The following TMEM132C variants were observed in gnomAD, a reference collection of about 807,000 sequenced individuals.
TMEM132C encodes protein phosphatase 1, regulatory subunit 152.
In TMEM132C, 29 loss-of-function variants were observed where a neutral mutation model predicts 61.4. The observed-to-expected ratio is 0.47, with a 90% CI of 0.35 to 0.64. TMEM132C has a LOEUF of 0.64. TMEM132C is among the 30% of genes least tolerant of loss of function. The pLI is 0.00. For synonymous variants in TMEM132C, 656 were observed against 633.1 expected (o/e 1.04, Z -0.54); for missense variants, 1,408 against 1,476.9 (o/e 0.95, Z 0.76).
intron 1 of TMEM132C, among the ~76,000 whole-genome samples, chr12:128,299,649 G>T (rs550004811): frequency 6.6e-6 from 1 of 152,216 alleles, no homozygotes; most frequent in African/African-American, 2.4e-5. Flanking sequence ...ATTGTTTTTC[G>T]TATAGAGAGA....
intron 1 of TMEM132C, among the ~76,000 whole-genome samples, chr12:128,338,075 T>G (rs1872837560): frequency 6.6e-6 from 1 of 150,484 alleles, no homozygotes; most frequent in African/African-American, 2.5e-5. Flanking sequence ...GAGGTAGCGT[T>G]TTACATCTGG....
intron 1 of TMEM132C, among the ~76,000 whole-genome samples, chr12:128,393,366 T>C (rs769750146): frequency 6.6e-6 from 1 of 152,132 alleles, no homozygotes; most frequent in Non-Finnish European, 1.5e-5. Flanking sequence ...TTTTACTCTA[T>C]AAAATAGACT....
At chr12:128,352,166 T>C (rs923579393) in intron 1 of TMEM132C, among the ~76,000 whole-genome samples, 1 of 152,170 alleles carries the variant, frequency 6.6e-6, no homozygotes, top group Admixed American at 6.5e-5. Flanking sequence ...AAGATATACC[T>C]GAGACTGGGT....
intron 1 of TMEM132C, among the ~76,000 whole-genome samples, chr12:128,396,397 G>A (rs941532973): frequency 3.3e-5 from 5 of 151,938 alleles, no homozygotes; most frequent in South Asian, 2.1e-4. Flanking sequence ...GGGGTGAGGG[G>A]CAGGGGAAGA....
At chr12:128,563,508 C>T (rs1429297529) in intron 3 of TMEM132C, among the ~76,000 whole-genome samples, 2 of 152,188 alleles carry the variant, frequency 1.3e-5, no homozygotes, top group Non-Finnish European at 2.9e-5. Context: ...CCAAGGACTC[C>T]TGTTTGCTCC....
At chr12:128,403,784 TGA>T (rs1461420327) in intron 1 of TMEM132C, among the ~76,000 whole-genome samples, 1 of 152,220 alleles carries the variant, frequency 6.6e-6, no homozygotes, top group Non-Finnish European at 1.5e-5. Context: ...TGTCACTCCA[TGA>T]ACTCCTAACC....
chr12:128,417,243 G>A (rs546927763), intron 2 of TMEM132C, among the ~76,000 whole-genome samples: 23 of 152,196 alleles, frequency 1.5e-4, no homozygotes, highest in Admixed American at 1.4e-3. Context: ...GAGACAGAAC[G>A]TCTCCAGCAT....
chr12:128,319,293 A>G (rs1251236044), intron 1 of TMEM132C, among the ~76,000 whole-genome samples: 4 of 152,176 alleles, frequency 2.6e-5, no homozygotes, highest in African/African-American at 9.6e-5. Context: ...AGGGTTGCTA[A>G]TGGAATGCTA....
rs536888904 is a variant in TMEM132C at position 128,442,996 on chromosome 12, A to G, written c.974+27376A>G. On this transcript the variant is annotated intron_variant, in intron 2 of 8. Coordinates refer to ENST00000435159, the MANE Select transcript of TMEM132C (RefSeq NM_001136103.3). ...TGCGTATGATTAGGTCATTGCCGTC[A>G]TAGGAGAAGTTTCTTGTTCTCAGGA... Among the ~76,000 whole-genome samples the G allele has an allele frequency of 5.9e-5, 9 of 152,346 alleles. No homozygotes were observed. The South Asian group carries it at 1.7e-3, about 28-fold the overall frequency.
intron 3 of TMEM132C, among the ~76,000 whole-genome samples, chr12:128,599,454 C>T (rs1349214057): frequency 2.6e-5 from 4 of 152,200 alleles, no homozygotes; most frequent in Non-Finnish European, 5.9e-5. Context: ...GGCACCTGGG[C>T]CTCTGACATG....
chr12:128,655,255 G>A lies in TMEM132C; in HGVS notation c.1306-14162G>A, dbSNP rs180852473. ...CCCTGATGAGAGGAGTTGTTATACCGCACTGTGCGGCACAGCCGGGGTCTG... is the reference window on the plus strand; with the variant it reads ...CCCTGATGAGAGGAGTTGTTATACCACACTGTGCGGCACAGCCGGGGTCTG... On this transcript the variant is annotated intron_variant, in intron 4 of 8. Coordinates refer to ENST00000435159, the MANE Select transcript of TMEM132C (RefSeq NM_001136103.3). Among the ~76,000 whole-genome samples the A allele has an allele frequency of 2.0e-4, 30 of 152,236 alleles. No individual in the cohort carries two copies. In the East Asian group the frequency reaches 4.8e-3, roughly 25 times the overall value.
At chr12:128,319,774 C>T (rs11615318) in intron 1 of TMEM132C, among the ~76,000 whole-genome samples, 45,571 of 150,570 alleles carry the variant, frequency 0.3, 7,946 homozygotes, top group Non-Finnish European at 0.38. Flanking sequence ...TGCAGTGAGC[C>T]GAGATTGCGC....
At chr12:128,303,672 A>G (rs1435243477) in intron 1 of TMEM132C, among the ~76,000 whole-genome samples, 1 of 152,210 alleles carries the variant, frequency 6.6e-6, no homozygotes, top group African/African-American at 2.4e-5. Flanking sequence ...GATTGCAGAA[A>G]TGGTGGCTGT....
At chr12:128,354,546 C>T (rs1214022058) in intron 1 of TMEM132C, among the ~76,000 whole-genome samples, 7 of 151,610 alleles carry the variant, frequency 4.6e-5, no homozygotes, top group Non-Finnish European at 7.4e-5. Flanking sequence ...CCCTCCCCCA[C>T]CTCTCTCTTC....
At position 128,706,154 on chromosome 12, in the gene TMEM132C, C is replaced by A. The variant is rs1954838442; in HGVS notation, c.3186C>A (p.Ile1062=). 6.4e-7 allele frequency: 1 copy of A among 1,551,056 alleles called. No individual in the cohort carries two copies. Among genetic ancestry groups the A allele is most frequent in the Non-Finnish European group, 8.7e-7 (1 of 1,146,632 alleles). ...KKVKFTTFTT[I]PPDDSCPTVN... ...TGAAATTTACCACCTTTACCACCAT[C>A]CCCCCGGACGACAGCTGCCCCACGG... The change falls in exon 9 of 9, where the codon ATC becomes ATA. Residue 1062 remains isoleucine, a synonymous_variant. Transcript: ENST00000435159.
intron 1 of TMEM132C, among the ~76,000 whole-genome samples, chr12:128,276,535 G>A (rs985798589): frequency 2.0e-5 from 3 of 152,108 alleles, no homozygotes; most frequent in Admixed American, 6.6e-5. Context: ...TTCTTGACAC[G>A]ATCTTAAGCT....
chr12:128,569,390 AT>A (rs1308999597), intron 3 of TMEM132C, among the ~76,000 whole-genome samples: 2 of 152,138 alleles, frequency 1.3e-5, no homozygotes, highest in African/African-American at 4.8e-5. Flanking sequence ...GCCCAAGTAT[AT>A]TTTTTACTCT....
At chr12:128,310,205 A>G (rs1871923486) in intron 1 of TMEM132C, among the ~76,000 whole-genome samples, 1 of 152,232 alleles carries the variant, frequency 6.6e-6, no homozygotes, top group Non-Finnish European at 1.5e-5. Flanking sequence ...GAGAATAGTG[A>G]TGATAAACAC....
In TMEM132C at chr12:128,308,612, C is replaced by T. The variant is rs1037370108; in HGVS notation, c.85+41125C>T. 2.8e-4 allele frequency among the ~76,000 whole-genome samples: 43 copies of T among 152,270 alleles called. 1 individual carries two copies. The highest frequency in any genetic ancestry group is 1.0e-3 in the African/African-American group (43 of 41,562). On this transcript the variant is annotated intron_variant, in intron 1 of 8. Transcript: ENST00000435159. ...GACAGGGCTGCACTCTGTTCAGGAG[C>T]AATTCCTTAGGCTGGAGAAGCTCTT... is the stretch of plus-strand genomic sequence containing the variant.
Sources: allele counts gnomAD v4.1 joint callset (sites outside exome capture counted in the v4.1 genomes callset), GRCh38; gene constraint gnomAD v4.1.1; transcripts MANE v1.5; gene names NCBI Gene and HGNC (gene_info 2026-07-23, HGNC 2026-07-21).